Variants in ABHD5 observed in about 807,000 individuals in gnomAD.
The protein encoded by ABHD5 is abhydrolase domain containing 5, lysophosphatidic acid acyltransferase, also known as 1-acylglycerol-3-phosphate O-acyltransferase ABHD5.
Under a neutral mutation model 44.9 loss-of-function variants are expected in ABHD5, and 30 were observed. That is an observed-to-expected ratio of 0.67 (90% CI 0.50 to 0.91). ABHD5 has a LOEUF of 0.91. Ranked by LOEUF, ABHD5 falls within the 40% of genes least tolerant of loss-of-function variation. ABHD5 has a pLI of 0.00. For missense variants in ABHD5, 399 were observed against 423.4 expected (o/e 0.94, Z 0.50); for synonymous variants, 167 against 147.0 (o/e 1.14, Z -0.99).
At chr3:43,707,263 A>G (rs3774791) in intron 3 of ABHD5, among the ~76,000 whole-genome samples, 13,050 of 152,266 alleles carry the variant, frequency 0.086, 773 homozygotes, top group South Asian at 0.21. Flanking sequence ...GATCTATTCC[A>G]AGTTAGATTA....
chr3:43,717,247 T>C (rs1380824144), intron 5 of ABHD5, among the ~76,000 whole-genome samples: 1 of 152,072 alleles, frequency 6.6e-6, no homozygotes, highest in Non-Finnish European at 1.5e-5. Flanking sequence ...TCCTGAGAGC[T>C]TGCAAGAATA....
chr3:43,712,934 A>G (rs570755949), intron 4 of ABHD5, among the ~76,000 whole-genome samples: 1 of 152,258 alleles, frequency 6.6e-6, no homozygotes, highest in African/African-American at 2.4e-5. Flanking sequence ...TTCCACCAGC[A>G]AAGAAGAAAT....
Position 43,708,995 on chromosome 3 carries a change from T to G in ABHD5, c.507-2714T>G, listed in dbSNP as rs193295749. Among the ~76,000 whole-genome samples the G allele has an allele frequency of 1.3e-4, 20 of 152,362 alleles. No individual in the cohort carries two copies. In the East Asian group the frequency reaches 3.7e-3, roughly 28 times the overall value. On this transcript the variant is annotated intron_variant, in intron 3 of 6. Transcript: ENST00000644371. ...TCTTGACCATCTAAATGGATTTTGT[T>G]ACCGAATAATAAGATTAATAAATAG...
intron 1 of ABHD5, 102 bp downstream of exon 1, chr3:43,691,141 T>A (rs1203553856): frequency 6.7e-6 from 8 of 1,185,284 alleles, no homozygotes; most frequent in Middle Eastern, 2.6e-4. Context: ...GCCGCCCGCC[T>A]GGCGACGACG....
At position 43,702,402 on chromosome 3, in the gene ABHD5, T is replaced by C; in HGVS notation, c.321T>C (p.Phe107=). 1 of 1,614,238 alleles carries C rather than the reference T, an allele frequency of 6.2e-7. No individual in the cohort carries two copies. The highest frequency in any genetic ancestry group is 2.2e-5 in the East Asian group (1 of 44,878). ...GCACCAACAGACCTGTCTATGCTTT[T>C]GACCTATTGGGTTTTGGACGAAGTA... ...DLCTNRPVYA[F]DLLGFGRSSR... is the part of the protein sequence containing the mutation. Residue 107 remains phenylalanine, a synonymous_variant, in exon 3 of 7, where the codon TTT becomes TTC. Transcript: ENST00000644371.
chr3:43,733,512 G>T (rs528911936), intron 7 of ABHD5, among the ~76,000 whole-genome samples: 1 of 152,324 alleles, frequency 6.6e-6, no homozygotes, highest in East Asian at 1.9e-4. Flanking sequence ...CATATTAAAA[G>T]GTCAAAATGT....
intron 2 of ABHD5, 53 bp downstream of exon 2, chr3:43,699,414 TATATCTC>T (rs1203060272): frequency 1.4e-6 from 2 of 1,464,052 alleles, no homozygotes; most frequent in Non-Finnish European, 1.9e-6. Flanking sequence ...ATAGGTCCAA[TATATCTC>T]ATTGCCCTGA....
intron 1 of ABHD5, 61 bp from the exon 2 acceptor site, chr3:43,699,215 C>A: frequency 1.4e-6 from 2 of 1,391,784 alleles, no homozygotes; most frequent in Non-Finnish European, 2.0e-6. Flanking sequence ...GTGCATGTGA[C>A]AATTGGTAGT....
chr3:43,695,273 G>T (rs1254256542), intron 1 of ABHD5: 1 of 152,134 alleles, frequency 6.6e-6, no homozygotes, highest in Non-Finnish European at 1.5e-5. Flanking sequence ...TTTAGTCATT[G>T]GTTGAGGAAG....
Position 43,709,826 on chromosome 3 carries a change from C to T in ABHD5, c.507-1883C>T, listed in dbSNP as rs550971231. ...GTGGGAGGCCAAGGTGGGCAGATCA[C>T]GAGGTCAGGAGTTCGAGACCAGCCT... is the stretch of plus-strand genomic sequence containing the variant. On this transcript the variant is annotated intron_variant, in intron 3 of 6. Transcript: ENST00000644371. Among the ~76,000 whole-genome samples the T allele has an allele frequency of 9.7e-4, 147 of 152,166 alleles. 1 individual carries two copies. Among genetic ancestry groups the T allele is most frequent in the African/African-American group, 3.4e-3 (142 of 41,514 alleles).
chr3:43,730,954 G>A (rs71325003), intron 7 of ABHD5, among the ~76,000 whole-genome samples: 3,399 of 152,194 alleles, frequency 0.022, 59 homozygotes, highest in Non-Finnish European at 0.034. Context: ...TTAGCCTCCT[G>A]AGTAGCTGCG....
rs569410141 is a variant in ABHD5 at position 43,731,970 on chromosome 3, G to A, written c.*30-1910G>A. ...GTTGCACAGCTCATGTGCCCAGGAAGCTGAGAAAACTCACCACCCATGAAG... is the reference window on the plus strand; with the variant it reads ...GTTGCACAGCTCATGTGCCCAGGAAACTGAGAAAACTCACCACCCATGAAG... On this transcript the variant is annotated intron_variant, in intron 7 of 7. Transcript: ENST00000454293. 4.6e-5 allele frequency among the ~76,000 whole-genome samples: 7 copies of A among 152,266 alleles called. No individual in the cohort carries two copies. In the South Asian group the frequency reaches 1.5e-3, roughly 32 times the overall value.
rs777271117 is a variant in ABHD5, at chr3:43,715,070, G to A, written c.773+12G>A. 6.6e-7 allele frequency: 1 copy of A among 1,523,650 alleles called. No individual in the cohort carries two copies. Among genetic ancestry groups the A allele is most frequent in the Non-Finnish European group, 9.0e-7 (1 of 1,107,364 alleles). 94.4% of individuals were successfully genotyped at this position (1,523,650 alleles called of 1,614,324 possible). ...GTGCAGACTCCAAGGTGAGGGTTAG[G>A]ATTCTCAATTCACTCTGTGTGTGTG... On this transcript the variant is annotated intron_variant, in intron 5 of 6. Transcript: ENST00000644371.
At chr3:43,709,808 GC>G (rs2084665338) in intron 3 of ABHD5, among the ~76,000 whole-genome samples, 1 of 152,176 alleles carries the variant, frequency 6.6e-6, no homozygotes, top group Non-Finnish European at 1.5e-5. Flanking sequence ...ACTGTGGGAG[GC>G]CAAGGTGGGC....
At chr3:43,731,498 C>T (rs2149613485) in intron 7 of ABHD5, among the ~76,000 whole-genome samples, 1 of 152,250 alleles carries the variant, frequency 6.6e-6, no homozygotes, top group South Asian at 2.1e-4. Context: ...ATTTTGGGGG[C>T]CCAATGCATA....
At chr3:43,729,034 T>A (rs1279303415) in intron 7 of ABHD5, among the ~76,000 whole-genome samples, 1 of 152,170 alleles carries the variant, frequency 6.6e-6, no homozygotes, top group Non-Finnish European at 1.5e-5. Flanking sequence ...AAGAATAAGC[T>A]GGTGTATTTT....
chr3:43,709,885 A>T (rs900117351), intron 3 of ABHD5, among the ~76,000 whole-genome samples: 1 of 152,162 alleles, frequency 6.6e-6, no homozygotes, highest in African/African-American at 2.4e-5. Context: ...TCTACTAAAA[A>T]TACAAAAATT....
At chr3:43,715,158 A>T in intron 5 of ABHD5, 100 bp downstream of exon 5, 1 of 807,234 alleles carries the variant, frequency 1.2e-6, no homozygotes, top group East Asian at 3.0e-5. Flanking sequence ...AAAACTATTT[A>T]TTTATTTATT....
chr3:43,716,034 G>A (rs777893485), intron 5 of ABHD5, among the ~76,000 whole-genome samples: 11 of 152,080 alleles, frequency 7.2e-5, no homozygotes, highest in Non-Finnish European at 1.6e-4. Flanking sequence ...GAGAGAATGG[G>A]GCATAGTAGC....
Sources: gnomAD v4.1 joint callset for allele counts (sites outside exome capture counted in the v4.1 genomes callset) on GRCh38, gnomAD v4.1.1 for gene constraint, MANE v1.5 for transcripts, NCBI Gene and HGNC (gene_info 2026-07-23, HGNC 2026-07-21) for gene names.